SUGCT: variants seen among roughly 807,000 people sequenced by gnomAD.
SUGCT encodes succinyl-CoA:glutarate CoA-transferase.
SUGCT carries 41 observed loss-of-function variants against 55.0 expected under a neutral mutation model. The ratio of observed to expected loss-of-function variants is 0.74; its 90% CI spans 0.58 to 0.97. SUGCT has a LOEUF of 0.97. Ranked by LOEUF, SUGCT falls within the 50% of genes least tolerant of loss-of-function variation. The pLI is 0.00. For synonymous variants in SUGCT, 187 were observed against 200.4 expected (o/e 0.93, Z 0.56); for missense variants, 568 against 547.8 (o/e 1.04, Z -0.37).
At chr7:40,230,489 A>G (rs1788657084) in intron 6 of SUGCT, among the ~76,000 whole-genome samples, 1 of 152,244 alleles carries the variant, frequency 6.6e-6, no homozygotes. Flanking sequence ...CCACATGAAG[A>G]ATAAACTGAG....
rs563922702 is a variant in SUGCT, at chr7:40,680,257, T to C, written c.1090-69177T>C. On this transcript the variant is annotated intron_variant, in intron 12 of 13. Coordinates refer to ENST00000335693, the MANE Select transcript of SUGCT (RefSeq NM_001193313.2). ...AAATCGAAGTCAGCTGTTTAACACCTGCAAAAGATTCAGGATATATTATGT... is the reference window on the plus strand; with the variant it reads ...AAATCGAAGTCAGCTGTTTAACACCCGCAAAAGATTCAGGATATATTATGT... 3.9e-5 allele frequency among the ~76,000 whole-genome samples: 6 copies of C among 152,318 alleles called. No individual in the cohort carries two copies. The East Asian group carries it at 1.2e-3, about 29-fold the overall frequency.
intron 12 of SUGCT, among the ~76,000 whole-genome samples, chr7:40,625,220 C>T (rs962567466): frequency 6.6e-6 from 1 of 152,262 alleles, no homozygotes; most frequent in Non-Finnish European, 1.5e-5. Flanking sequence ...TTTCTCTGTG[C>T]TCCATGCTGA....
the SUGCT span, among the ~76,000 whole-genome samples, chr7:41,036,378 A>G: frequency 4.6e-5 from 7 of 152,328 alleles, no homozygotes; most frequent in Admixed American, 1.3e-4. Flanking sequence ...GCATGATATT[A>G]CAAGACAAAC....
chr7:41,013,826 C>T, the SUGCT span, among the ~76,000 whole-genome samples: 2 of 151,260 alleles, frequency 1.3e-5, no homozygotes, highest in Non-Finnish European at 2.9e-5. Context: ...TCCCTAATCT[C>T]TCATGACAAT....
chr7:40,924,035 T>A, the SUGCT span, among the ~76,000 whole-genome samples: 1 of 152,128 alleles, frequency 6.6e-6, no homozygotes, highest in African/African-American at 2.4e-5. Context: ...GGGAGCTTAT[T>A]TGCCCCTTCT....
At chr7:40,959,673 G>A in the SUGCT span, among the ~76,000 whole-genome samples, 1 of 151,390 alleles carries the variant, frequency 6.6e-6, no homozygotes, top group Non-Finnish European at 1.5e-5. Flanking sequence ...AGGGCAGTGA[G>A]CAGCTCTGTC....
intron 8 of SUGCT, among the ~76,000 whole-genome samples, chr7:40,281,870 C>G (rs1270162686): frequency 6.6e-6 from 1 of 151,980 alleles, no homozygotes; most frequent in Non-Finnish European, 1.5e-5. Context: ...CCCAGGCTGT[C>G]CAGTTTAGCA....
the SUGCT span, among the ~76,000 whole-genome samples, chr7:40,974,849 A>T: frequency 0.38 from 58,084 of 151,984 alleles, 11,198 homozygotes; most frequent in South Asian, 0.42. Flanking sequence ...TATAATGAAC[A>T]TTTTTTTCAT....
chr7:40,715,963 T>C (rs1785999715), intron 12 of SUGCT, among the ~76,000 whole-genome samples: 1 of 152,224 alleles, frequency 6.6e-6, no homozygotes, highest in African/African-American at 2.4e-5. Context: ...CTTATCTTTC[T>C]TCCTCACTAG....
At chr7:40,453,666 AC>A (rs1789316234) in intron 10 of SUGCT, among the ~76,000 whole-genome samples, 1 of 152,244 alleles carries the variant, frequency 6.6e-6, no homozygotes, top group South Asian at 2.1e-4. Flanking sequence ...CCTGGATGTA[AC>A]CAGGTCAATT....
chr7:40,914,237 A>G, the SUGCT span, among the ~76,000 whole-genome samples: 3 of 149,890 alleles, frequency 2.0e-5, no homozygotes, highest in South Asian at 4.3e-4. Flanking sequence ...TTCCTTTGTC[A>G]CAGTGCTCAA....
intron 8 of SUGCT, among the ~76,000 whole-genome samples, chr7:40,276,821 C>G (rs113502656): frequency 0.035 from 4,014 of 114,386 alleles, 180 homozygotes; most frequent in African/African-American, 0.14. Flanking sequence ...GTGTGTGTGT[C>G]TGTCTGTCTG....
At chr7:40,412,757 T>G (rs951470580) in intron 9 of SUGCT, among the ~76,000 whole-genome samples, 1 of 152,166 alleles carries the variant, frequency 6.6e-6, no homozygotes, top group Non-Finnish European at 1.5e-5. Context: ...CATTCTTCTC[T>G]CCTTACTTTG....
At chr7:40,747,825 G>A (rs182570320) in intron 12 of SUGCT, among the ~76,000 whole-genome samples, 7 of 151,880 alleles carry the variant, frequency 4.6e-5, no homozygotes, top group African/African-American at 1.2e-4. Flanking sequence ...TTTTATTTGC[G>A]TATCACAAAA....
intron 1 of SUGCT, among the ~76,000 whole-genome samples, chr7:40,159,896 C>G (rs973658020): frequency 1.1e-4 from 16 of 152,266 alleles, no homozygotes; most frequent in African/African-American, 3.8e-4. Context: ...CAGTGAAAAC[C>G]TAGGTTCTGA....
chr7:40,925,614 T>C, the SUGCT span, among the ~76,000 whole-genome samples: 89 of 152,210 alleles, frequency 5.8e-4, 1 homozygote, highest in African/African-American at 2.1e-3. Context: ...GGCTTGGTGG[T>C]TTACATGAGT....
chr7:40,203,992 G>T (rs1056450993), intron 6 of SUGCT, among the ~76,000 whole-genome samples: 78 of 151,836 alleles, frequency 5.1e-4, no homozygotes, highest in Middle Eastern at 3.4e-3. Context: ...TTTTCCTTGT[G>T]AATTTTTTTT....
intron 11 of SUGCT, among the ~76,000 whole-genome samples, chr7:40,483,490 G>C (rs1337638225): frequency 6.6e-6 from 1 of 151,998 alleles, no homozygotes; most frequent in African/African-American, 2.4e-5. Flanking sequence ...TATGAGATAG[G>C]CACTATTTTT....
At chr7:40,434,844 A>G (rs1788088940) in intron 9 of SUGCT, among the ~76,000 whole-genome samples, 1 of 152,110 alleles carries the variant, frequency 6.6e-6, no homozygotes, top group African/African-American at 2.4e-5. Context: ...CTATACATAT[A>G]TCAGATAGAG....
Sources: allele counts gnomAD v4.1 joint callset (sites outside exome capture counted in the v4.1 genomes callset), GRCh38; gene constraint gnomAD v4.1.1; transcripts MANE v1.5; gene names NCBI Gene and HGNC (gene_info 2026-07-23, HGNC 2026-07-21).